Variants in BMP8A observed in about 807,000 individuals in gnomAD.
The protein encoded by BMP8A is BMP-8A.
In BMP8A, 14 loss-of-function variants were observed where a neutral mutation model predicts 36.8. The observed-to-expected ratio is 0.38, with a 90% CI of 0.25 to 0.60. The LOEUF is 0.60. Ranked by LOEUF, BMP8A falls within the 20% of genes least tolerant of loss-of-function variation. The pLI is 0.63. For synonymous variants in BMP8A, 120 were observed against 237.7 expected (o/e 0.50, Z 4.55); for missense variants, 267 against 551.1 (o/e 0.48, Z 5.16).
At chr1:39,517,151 AT>A (rs199693362) in intron 3 of BMP8A, among the ~76,000 whole-genome samples, 4 of 150,614 alleles carry the variant, frequency 2.7e-5, no homozygotes, top group African/African-American at 9.8e-5. Flanking sequence ...ATGCCTGCTT[AT>A]TTTTTTTTAT....
chr1:39,507,056 A>T (rs188981509), intron 1 of BMP8A, among the ~76,000 whole-genome samples: 26 of 152,300 alleles, frequency 1.7e-4, no homozygotes, highest in Non-Finnish European at 8.8e-5. Flanking sequence ...CAAAAATAGG[A>T]TCACTGTCCC....
chr1:39,511,450 G>GTGGAGCATTTCCCAGAGGA (rs755700762), intron 2 of BMP8A, 87 bp downstream of exon 2: 5 of 557,982 alleles, frequency 9.0e-6, no homozygotes, highest in Admixed American at 3.2e-5. Flanking sequence ...GTCGTGGTGG[G>GTGGAGCATTTCCCAGAGGA]CTGAAAGAGA....
In BMP8A at chr1:39,528,177, C is replaced by T. The variant is rs555308445; in HGVS notation, c.*2379C>T. Among the ~76,000 whole-genome samples, 13 of 152,322 alleles carry T rather than the reference C, an allele frequency of 8.5e-5. No individual in the cohort carries two copies. The highest frequency in any genetic ancestry group is 5.2e-4 in the Admixed American group (8 of 15,292). On this transcript the variant is annotated 3_prime_UTR_variant, in exon 7 of 7. Coordinates refer to ENST00000331593, the MANE Select transcript of BMP8A (RefSeq NM_181809.4). ...CAGGCCTGAGGATCATGATGAGACTCCCTTTTTATGCAGCAAAGCACAAAG... is the reference window on the plus strand; with the variant it reads ...CAGGCCTGAGGATCATGATGAGACTTCCTTTTTATGCAGCAAAGCACAAAG...
At chr1:39,523,539 G>C (rs1645451678) in intron 6 of BMP8A, 1 of 1,383,802 alleles carries the variant, frequency 7.2e-7, no homozygotes, top group Non-Finnish European at 9.4e-7. Context: ...CAGTGTGTGG[G>C]GTGTGCGTGT....
chr1:39,522,967 G>A (rs765458203), intron 5 of BMP8A, 40 bp from the exon 6 acceptor site: 3 of 1,532,648 alleles, frequency 2.0e-6, no homozygotes, highest in Non-Finnish European at 2.7e-6. Flanking sequence ...GCTCAGGGAG[G>A]AGCACATGGA....
chr1:39,509,696 C>T (rs562876826), intron 1 of BMP8A, among the ~76,000 whole-genome samples: 2 of 152,330 alleles, frequency 1.3e-5, no homozygotes, highest in Non-Finnish European at 2.9e-5. Context: ...TCCCCACATC[C>T]GCCTCGGCCC....
At chr1:39,501,518 T>TTTTG (rs112646636) in intron 1 of BMP8A, among the ~76,000 whole-genome samples, 4,876 of 152,158 alleles carry the variant, frequency 0.032, 262 homozygotes, top group African/African-American at 0.11. Flanking sequence ...GTCTGGCTAA[T>TTTTG]TTTGTTTGTT....
rs574184885 is a variant in BMP8A, at chr1:39,515,738, C to A, written c.673+3834C>A. On this transcript the variant is annotated intron_variant, in intron 3 of 6. Coordinates refer to ENST00000331593, the MANE Select transcript of BMP8A (RefSeq NM_181809.4). ...CCACGTTCCTAACATTTATGTAGGTCGCGTGATAAAGGGGCAGAAATACGA... is the reference window on the plus strand; with the variant it reads ...CCACGTTCCTAACATTTATGTAGGTAGCGTGATAAAGGGGCAGAAATACGA... 29 of 1,576,684 alleles carry A rather than the reference C, an allele frequency of 1.8e-5. 1 individual carries two copies. In the African/African-American group the frequency reaches 3.6e-4, roughly 20 times the overall value.
chr1:39,525,707 G>A lies in BMP8A; in HGVS notation c.1118G>A (p.Ser373Asn). 6.2e-7 allele frequency: 1 copy of A among 1,614,194 alleles called. No homozygotes were observed. The highest frequency in any genetic ancestry group is 8.5e-7 in the Non-Finnish European group (1 of 1,180,028). Reference protein sequence around the residue: ...PKACCAPTKLSATSVLYYDSS... With the variant: ...PKACCAPTKLNATSVLYYDSS... ...GCGTGCTGTGCACCCACCAAGCTGAGCGCCACCTCTGTGCTCTACTATGAC... is the reference window on the plus strand; with the variant it reads ...GCGTGCTGTGCACCCACCAAGCTGAACGCCACCTCTGTGCTCTACTATGAC... The change falls in exon 7 of 7, where the codon AGC (serine) becomes AAC (asparagine). Residue 373 changes from serine to asparagine, a missense_variant. Transcript: ENST00000331593.
intron 1 of BMP8A, among the ~76,000 whole-genome samples, chr1:39,499,227 C>T (rs1439133579): frequency 4.6e-5 from 7 of 152,134 alleles, no homozygotes; most frequent in African/African-American, 1.4e-4. Context: ...CTGAGAGGGA[C>T]GGGGCCACCC....
chr1:39,492,976 G>T (rs1389755259), intron 1 of BMP8A, among the ~76,000 whole-genome samples: 3 of 152,202 alleles, frequency 2.0e-5, no homozygotes, highest in Non-Finnish European at 2.9e-5. Context: ...TGGACCCACT[G>T]TGTTCTCCCA....
At position 39,517,218 on chromosome 1, in the gene BMP8A, A is replaced by G. The variant is rs2262272; in HGVS notation, c.674-4158A>G. On this transcript the variant is annotated intron_variant, in intron 3 of 6. Transcript: ENST00000331593. ...CACCATGTTGCCCAGGCTGGTCTTG[A>G]ACACTTGAGCTCAAGCGATCCACTT... is the stretch of plus-strand genomic sequence containing the variant. 3.1e-4 allele frequency among the ~76,000 whole-genome samples: 47 copies of G among 151,004 alleles called. No homozygotes were observed. The South Asian group carries it at 3.3e-3, about 11-fold the overall frequency.
intron 6 of BMP8A, chr1:39,523,456 T>G: frequency 8.1e-7 from 1 of 1,240,716 alleles, no homozygotes; most frequent in Non-Finnish European, 1.1e-6. Context: ...GTACACTGTG[T>G]GGGGGCTGTG....
At position 39,507,975 on chromosome 1, in the gene BMP8A, G is replaced by T. The variant is rs553399818; in HGVS notation, c.335-3199G>T. ...ATTTAGAAAAAAAGAAAACTAGCCG[G>T]GTGCAGTGGCTCACGCTTGTAATCC... On this transcript the variant is annotated intron_variant, in intron 1 of 6. Transcript: ENST00000331593. Among the ~76,000 whole-genome samples, 27 of 152,270 alleles carry T rather than the reference G, an allele frequency of 1.8e-4. No homozygotes were observed. The South Asian group carries it at 4.4e-3, about 25-fold the overall frequency.
At chr1:39,502,064 C>G (rs985154353) in intron 1 of BMP8A, among the ~76,000 whole-genome samples, 12 of 151,904 alleles carry the variant, frequency 7.9e-5, no homozygotes, top group African/African-American at 2.4e-4. Flanking sequence ...ATGGTGAAAC[C>G]CTGTCTCTAC....
At position 39,527,650 on chromosome 1, in the gene BMP8A, T is replaced by G. The variant is rs1645496695; in HGVS notation, c.*1852T>G. 6.6e-6 allele frequency among the ~76,000 whole-genome samples: 1 copy of G among 152,138 alleles called. No homozygotes were observed. The highest frequency in any genetic ancestry group is 2.4e-5 in the African/African-American group (1 of 41,422). On this transcript the variant is annotated 3_prime_UTR_variant, in exon 7 of 7. Coordinates refer to ENST00000331593, the MANE Select transcript of BMP8A (RefSeq NM_181809.4). Reference sequence around the variant, plus strand: ...GAGACCCTCTCATGTACATAAAGGGTGGGCCCAGGCTGTCTGGAAGATGGT... The same window carrying G: ...GAGACCCTCTCATGTACATAAAGGGGGGGCCCAGGCTGTCTGGAAGATGGT...
intron 6 of BMP8A, chr1:39,525,105 T>G: frequency 6.5e-6 from 1 of 154,278 alleles, no homozygotes; most frequent in Non-Finnish European, 1.4e-5. Context: ...AGTGGAGAGG[T>G]GCGGGCACAT....
At chr1:39,498,754 T>C (rs560107810) in intron 1 of BMP8A, among the ~76,000 whole-genome samples, 1 of 152,120 alleles carries the variant, frequency 6.6e-6, no homozygotes, top group East Asian at 1.9e-4. Flanking sequence ...CTTTGCTGCC[T>C]GTGGGACCAG....
chr1:39,502,570 G>T (rs929843882), intron 1 of BMP8A, among the ~76,000 whole-genome samples: 4 of 152,200 alleles, frequency 2.6e-5, no homozygotes, highest in African/African-American at 7.2e-5. Flanking sequence ...AGAGCATCTT[G>T]TGGTGCCAGT....
Sources: allele counts gnomAD v4.1 joint callset (sites outside exome capture counted in the v4.1 genomes callset), GRCh38; gene constraint gnomAD v4.1.1; transcripts MANE v1.5; gene names NCBI Gene and HGNC (gene_info 2026-07-23, HGNC 2026-07-21).